RAD54B: variants seen among roughly 807,000 people sequenced by gnomAD.
RAD54B encodes DNA repair and recombination protein RAD54B.
A neutral mutation model predicts 95.8 loss-of-function variants in RAD54B; 78 were observed. The observed-to-expected ratio is 0.81, with a 90% CI of 0.68 to 0.98. The LOEUF (loss-of-function observed/expected upper bound fraction) is 0.98, where lower values mean the gene tolerates loss of function less well. Among genes scored for constraint, RAD54B ranks in the 50% least tolerant of loss-of-function variants. The pLI, the probability that RAD54B is intolerant of heterozygous loss-of-function variation, is 0.00. For missense variants in RAD54B, 957 were observed against 1,056.6 expected (o/e 0.91, Z 1.31); for synonymous variants, 328 against 354.9 (o/e 0.92, Z 0.85).
At position 94,442,424 on chromosome 8, in the gene RAD54B, C is replaced by A. The variant is rs574044347; in HGVS notation, c.304+15844G>T. 9.4e-4 allele frequency among the ~76,000 whole-genome samples: 142 copies of A among 151,798 alleles called. 1 individual carries two copies. The highest frequency in any genetic ancestry group is 2.5e-3 in the African/African-American group (103 of 41,438). The stretch of plus-strand genomic sequence containing the variant: ...CGTCTCTACTACTAAAAATACAAAA[C>A]ATTAGCCAGGCGTGGTGGCAGGCGC... On this transcript the variant is annotated intron_variant, in intron 3 of 14. Transcript: ENST00000336148.
intron 3 of RAD54B, among the ~76,000 whole-genome samples, chr8:94,420,342 A>G (rs921169164): frequency 1.5e-5 from 2 of 137,822 alleles, no homozygotes. Flanking sequence ...AGAAACCTCC[A>G]CTTCCTGGGC....
rs1439749949 is a variant in RAD54B at position 94,399,589 on chromosome 8, T to C, written c.1203A>G (p.Ile401Met). ...DHKVEEFIKS[I>M]FYSVLIISYE... Reference sequence around the variant, plus strand: ...AACTGATAATAAGAACAGAATAAAATATAGACTTGATGAATTCTTCAACTT... The same window carrying C: ...AACTGATAATAAGAACAGAATAAAACATAGACTTGATGAATTCTTCAACTT... The change falls in exon 8 of 15, where the codon ATA (isoleucine) becomes ATG (methionine). Residue 401 changes from isoleucine (I) to methionine (M), a missense_variant. By Grantham distance (10) the Ile-to-Met change is conservative. Transcript: ENST00000336148. 2.5e-6 allele frequency: 4 copies of C among 1,611,208 alleles called. No homozygotes were observed. Among genetic ancestry groups the C allele is most frequent in the East Asian group, 4.5e-5 (2 of 44,836 alleles).
chr8:94,469,815 A>C (rs1348571093), intron 1 of RAD54B, among the ~76,000 whole-genome samples: 1 of 152,214 alleles, frequency 6.6e-6, no homozygotes, highest in African/African-American at 2.4e-5. Context: ...AGGTATTTTT[A>C]TAATTCTACT....
chr8:94,372,743 C>T (rs1449266766), intron 14 of RAD54B, among the ~76,000 whole-genome samples: 1 of 152,064 alleles, frequency 6.6e-6, no homozygotes, highest in Non-Finnish European at 1.5e-5. Flanking sequence ...GAATATAATT[C>T]GAACAATCTG....
At chr8:94,438,510 C>T (rs934154503) in intron 3 of RAD54B, among the ~76,000 whole-genome samples, 3 of 152,162 alleles carry the variant, frequency 2.0e-5, no homozygotes, top group African/African-American at 7.2e-5. Flanking sequence ...CAAAATCATT[C>T]TAGCATTTTC....
At chr8:94,432,518 T>A (rs956293361) in intron 3 of RAD54B, 2 of 1,550,696 alleles carry the variant, frequency 1.3e-6, no homozygotes, top group Non-Finnish European at 1.7e-6. Context: ...TATCACTCTG[T>A]TGAGAATTTA....
At chr8:94,376,207 C>T (rs1430548532) in intron 14 of RAD54B, among the ~76,000 whole-genome samples, 1 of 152,044 alleles carries the variant, frequency 6.6e-6, no homozygotes, top group East Asian at 1.9e-4. Flanking sequence ...CCAAAGAATC[C>T]ATATCATGTA....
chr8:94,432,452 C>T lies in RAD54B; in HGVS notation c.305-21137G>A, dbSNP rs970255249. ...TCATATCAACAGAGGAAAGTGAAGG[C>T]GACAAGGATCTTTCCATAACATGTA... is the stretch of plus-strand genomic sequence containing the variant. On this transcript the variant is annotated intron_variant, in intron 3 of 14. Transcript: ENST00000336148. 15 of 1,550,262 alleles carry T rather than the reference C, an allele frequency of 9.7e-6. 1 individual carries two copies. The highest frequency in any genetic ancestry group is 1.4e-5 in the African/African-American group (1 of 73,004).
At chr8:94,442,310 AC>A (rs1812415446) in intron 3 of RAD54B, among the ~76,000 whole-genome samples, 1 of 152,128 alleles carries the variant, frequency 6.6e-6, no homozygotes, top group African/African-American at 2.4e-5. Flanking sequence ...ACGGTGGCTC[AC>A]GCCTGTAATC....
rs1810905767 is a variant in RAD54B, at chr8:94,387,050, TC to T, written c.1918del (p.Glu640SerfsTer12). On this transcript the variant is annotated frameshift_variant, in exon 11 of 15. Coordinates refer to ENST00000336148, the MANE Select transcript of RAD54B (RefSeq NM_012415.3). LOFTEE classifies it high-confidence loss of function. ...DYNPLLFTEK[E>X]SGKLQVLSKL... ...GGACAACACCTGTAGTTTTCCTGAC[TC>T]CTTTTCAGTAAACAGGAGAGGGTTG... 2 of 1,613,708 alleles carry T rather than the reference TC, an allele frequency of 1.2e-6. No homozygotes were observed. The highest frequency in any genetic ancestry group is 1.3e-5 in the African/African-American group (1 of 75,040).
chr8:94,422,620 ATAT>A (rs1811845462), intron 3 of RAD54B, among the ~76,000 whole-genome samples: 17 of 42,332 alleles, frequency 4.0e-4, no homozygotes, highest in African/African-American at 1.3e-3. Flanking sequence ...AAAAAAAAAT[ATAT>A]ATATATATAT....
intron 2 of RAD54B, among the ~76,000 whole-genome samples, chr8:94,460,833 T>C (rs1384223545): frequency 3.3e-5 from 5 of 151,998 alleles, no homozygotes; most frequent in Admixed American, 3.3e-4. Context: ...AAGTCAACTA[T>C]GTTACATCTC....
intron 4 of RAD54B, among the ~76,000 whole-genome samples, chr8:94,409,348 T>C (rs1355943165): frequency 6.6e-6 from 1 of 151,806 alleles, no homozygotes; most frequent in African/African-American, 2.4e-5. Flanking sequence ...GGTCAGAGTC[T>C]GGGCATCGGC....
At position 94,372,271 on chromosome 8, in the gene RAD54B, A is replaced by C; in HGVS notation, c.2632T>G (p.Ser878Ala). The change falls in exon 15 of 15, where the codon TCT becomes GCT. Residue 878 changes from serine (S) to alanine (A), a missense_variant. Transcript: ENST00000336148. ...TCTGTAAGATTTAAATGATCTCCAG[A>C]AAAATGTTTCCATTGCTTCAGCTGG... ...MSQLKQWKHF[S>A]GDHLNLTDPF... 1 of 1,613,310 alleles carries C rather than the reference A, an allele frequency of 6.2e-7. No homozygotes were observed. Among genetic ancestry groups the C allele is most frequent in the Non-Finnish European group, 8.5e-7 (1 of 1,179,770 alleles).
chr8:94,392,720 C>T (rs1326467835), intron 9 of RAD54B, among the ~76,000 whole-genome samples: 2 of 150,008 alleles, frequency 1.3e-5, no homozygotes, highest in African/African-American at 4.9e-5. Flanking sequence ...ACCTCAGCCT[C>T]CCAAGTAGCT....
At chr8:94,390,265 C>T (rs1368953104) in intron 10 of RAD54B, among the ~76,000 whole-genome samples, 3 of 151,374 alleles carry the variant, frequency 2.0e-5, no homozygotes, top group Non-Finnish European at 4.4e-5. Context: ...TTTGGGAGGT[C>T]GAGGCAGGCA....
chr8:94,428,588 C>T, intron 3 of RAD54B: 1 of 419,880 alleles, frequency 2.4e-6, no homozygotes, highest in Non-Finnish European at 3.2e-6. Flanking sequence ...TGGGGATTAG[C>T]CCAACTCCTA....
intron 3 of RAD54B, among the ~76,000 whole-genome samples, chr8:94,426,265 T>TAAA (rs551332612): frequency 1.5e-5 from 2 of 133,934 alleles, no homozygotes; most frequent in Non-Finnish European, 1.7e-5. Context: ...TTGCAAAAAT[T>TAAA]AAAAAAAAAA....
chr8:94,435,315 G>T (rs916170942), intron 3 of RAD54B, among the ~76,000 whole-genome samples: 1 of 152,004 alleles, frequency 6.6e-6, no homozygotes, highest in Admixed American at 6.6e-5. Flanking sequence ...CTATCAAGTA[G>T]AAATAAGCAG....
Sources: gnomAD v4.1 joint callset for allele counts (sites outside exome capture counted in the v4.1 genomes callset) on GRCh38, gnomAD v4.1.1 for gene constraint, MANE v1.5 for transcripts, NCBI Gene and HGNC (gene_info 2026-07-23, HGNC 2026-07-21) for gene names.